The following ELMOD3 variants were observed in gnomAD, a reference collection of about 807,000 sequenced individuals.
The protein encoded by ELMOD3 is ELMO domain-containing protein 3.
Under a neutral mutation model 47.4 loss-of-function variants are expected in ELMOD3, and 36 were observed. The observed-to-expected ratio is 0.76, with a 90% CI of 0.58 to 1.00. ELMOD3 has a LOEUF of 1.00. Among genes scored for constraint, ELMOD3 ranks in the 50% least tolerant of loss-of-function variants. The probability of loss-of-function intolerance (pLI) is 0.00; values close to 1 mark genes in which losing one functional copy is unlikely to be tolerated. For synonymous variants in ELMOD3, 149 were observed against 183.5 expected (o/e 0.81, Z 1.52); for missense variants, 404 against 463.8 (o/e 0.87, Z 1.18).
At chr2:85,380,513 A>AGAT (rs1685468203) in intron 11 of ELMOD3, among the ~76,000 whole-genome samples, 2 of 152,138 alleles carry the variant, frequency 1.3e-5, no homozygotes, top group African/African-American at 4.8e-5. Context: ...TAGAGTTTTA[A>AGAT]GATGATGATT....
chr2:85,389,999 T>C (rs1686207526), intron 12 of ELMOD3, 139 bp from the exon 13 acceptor site: 1 of 1,108,600 alleles, frequency 9.0e-7, no homozygotes, highest in South Asian at 1.2e-5. Context: ...TGGCCTTAGA[T>C]GTCAGGCTCC....
At chr2:85,377,028 G>A (rs906454298) in intron 10 of ELMOD3, 11 of 182,580 alleles carry the variant, frequency 6.0e-5, no homozygotes, top group Middle Eastern at 2.1e-3. Flanking sequence ...TATTCATCTT[G>A]TTCCAGAACT....
rs759152762 is a variant in ELMOD3 at position 85,391,137 on chromosome 2, G to C, written c.*175G>C. ...GTACCCTCACCGGCATGGGACATGA[G>C]GGGCAGCTAGACTTCACCCCCTTCC... is the stretch of plus-strand genomic sequence containing the variant. On this transcript the variant is annotated 3_prime_UTR_variant, in exon 14 of 14. Coordinates refer to ENST00000409013, the MANE Select transcript of ELMOD3 (RefSeq NM_001135022.2). The C allele has an allele frequency of 8.4e-5, 53 of 633,746 alleles. 1 individual carries two copies. In the Admixed American group the frequency reaches 1.6e-3, roughly 19 times the overall value. 39.3% of individuals were successfully genotyped at this position (633,746 alleles called of 1,614,324 possible).
At chr2:85,386,044 A>G (rs2104722328) in intron 11 of ELMOD3, among the ~76,000 whole-genome samples, 1 of 152,282 alleles carries the variant, frequency 6.6e-6, no homozygotes, top group Non-Finnish European at 1.5e-5. Context: ...GAAAAGTCAC[A>G]TAGCAGTGGG....
At chr2:85,358,326 C>T (rs1333807543) in intron 4 of ELMOD3, among the ~76,000 whole-genome samples, 2 of 151,688 alleles carry the variant, frequency 1.3e-5, no homozygotes, top group Admixed American at 6.6e-5. Context: ...AGAGAAGGTC[C>T]TTATGCAGGC....
intron 10 of ELMOD3, among the ~76,000 whole-genome samples, chr2:85,374,452 C>T (rs958650750): frequency 6.6e-6 from 1 of 152,168 alleles, no homozygotes; most frequent in Admixed American, 6.5e-5. Flanking sequence ...AGCAATTCTC[C>T]TGCCTCAGCC....
chr2:85,389,166 C>T (rs1686137043), intron 11 of ELMOD3, among the ~76,000 whole-genome samples: 1 of 152,240 alleles, frequency 6.6e-6, no homozygotes, highest in African/African-American at 2.4e-5. Flanking sequence ...GCTGCCTCCT[C>T]TTGGGGTCTG....
At chr2:85,362,834 C>T (rs1244973737) in intron 5 of ELMOD3, among the ~76,000 whole-genome samples, 2 of 152,244 alleles carry the variant, frequency 1.3e-5, no homozygotes, top group African/African-American at 4.8e-5. Context: ...AGGAGGATCA[C>T]TTGAGCCCAG....
chr2:85,370,277 G>C (rs10865477), intron 8 of ELMOD3, among the ~76,000 whole-genome samples: 71,184 of 151,776 alleles, frequency 0.47, 17,864 homozygotes, highest in African/African-American at 0.65. Flanking sequence ...TAGGGGTGGG[G>C]TGGGTGCTGG....
intron 4 of ELMOD3, 75 bp from the exon 5 acceptor site, chr2:85,362,111 A>T (rs1011780355): frequency 3.0e-5 from 30 of 987,416 alleles, no homozygotes; most frequent in Non-Finnish European, 4.6e-5. Flanking sequence ...AAAAAAAAAA[A>T]AAGTATGACA....
Position 85,385,965 on chromosome 2 carries a change from CCT to C in ELMOD3, c.739-3785_739-3784del, listed in dbSNP as rs902364983. On this transcript the variant is annotated intron_variant, in intron 11 of 13. Coordinates refer to ENST00000409013, the MANE Select transcript of ELMOD3 (RefSeq NM_001135022.2). ...AAGTGGTGAAGCTGGGCCTAGAGCC[CCT>C]GTTTCCTGACAGCTGGCCTGGCGGT... 1.6e-4 allele frequency among the ~76,000 whole-genome samples: 25 copies of C among 152,244 alleles called. No homozygotes were observed. The East Asian group carries it at 3.5e-3, about 21-fold the overall frequency.
intron 6 of ELMOD3, among the ~76,000 whole-genome samples, chr2:85,368,050 A>G (rs112777991): frequency 1.3e-5 from 2 of 151,902 alleles, no homozygotes; most frequent in Admixed American, 1.3e-4. Flanking sequence ...AGCTGGGACT[A>G]CAGGCGCCTG....
At chr2:85,373,812 T>G (rs1684972386) in intron 10 of ELMOD3, among the ~76,000 whole-genome samples, 1 of 150,548 alleles carries the variant, frequency 6.6e-6, no homozygotes, top group Non-Finnish European at 1.5e-5. Context: ...GCGCTCCAGC[T>G]TGGGCAACAG....
chr2:85,383,920 T>G (rs11680448), intron 11 of ELMOD3, among the ~76,000 whole-genome samples: 32,715 of 152,132 alleles, frequency 0.22, 3,805 homozygotes, highest in South Asian at 0.26. Flanking sequence ...TGTGCCTAAG[T>G]TCATCAGAGC....
intron 8 of ELMOD3, among the ~76,000 whole-genome samples, chr2:85,370,400 G>A (rs1242456275): frequency 1.3e-5 from 2 of 149,030 alleles, no homozygotes; most frequent in Non-Finnish European, 3.0e-5. Context: ...CTGGGCAACA[G>A]AGTGAAACCC....
Position 85,371,196 on chromosome 2 carries a change from G to T in ELMOD3, c.471G>T (p.Leu157=). The T allele has an allele frequency of 6.2e-7, 1 of 1,614,180 alleles. No homozygotes were observed. Among genetic ancestry groups the T allele is most frequent in the South Asian group, 1.1e-5 (1 of 91,068 alleles). ...TTCGGGAAGAAAGGGACTTGGTCCT[G>T]ACCATTGCTCAGTGTGAGTGCAATG... ...QRLREERDLV[L]TIAQCGLDSQ... is the part of the protein sequence containing the mutation. The change falls in exon 9 of 14, where the codon CTG becomes CTT. Residue 157 remains leucine, a synonymous_variant. Coordinates refer to ENST00000409013, the MANE Select transcript of ELMOD3 (RefSeq NM_001135022.2).
intron 10 of ELMOD3, 24 bp from the exon 11 acceptor site, chr2:85,377,320 G>A: frequency 1.9e-6 from 3 of 1,565,380 alleles, no homozygotes; most frequent in Non-Finnish European, 2.6e-6. Flanking sequence ...GCCACACCCT[G>A]TTTCCTCACG....
intron 11 of ELMOD3, among the ~76,000 whole-genome samples, chr2:85,384,473 A>G (rs1372601883): frequency 1.3e-5 from 2 of 152,212 alleles, no homozygotes; most frequent in African/African-American, 4.8e-5. Context: ...TATGTGAGCC[A>G]CAGACTTACC....
intron 11 of ELMOD3, among the ~76,000 whole-genome samples, chr2:85,382,929 C>T (rs1352771485): frequency 5.9e-5 from 8 of 134,924 alleles, no homozygotes; most frequent in Non-Finnish European, 1.2e-4. Flanking sequence ...CTCTACCATC[C>T]CAGAAGCAGG....
Sources: gnomAD v4.1 joint callset for allele counts (sites outside exome capture counted in the v4.1 genomes callset) on GRCh38, gnomAD v4.1.1 for gene constraint, MANE v1.5 for transcripts, NCBI Gene and HGNC (gene_info 2026-07-23, HGNC 2026-07-21) for gene names.